The following NRG1 variants were observed in gnomAD, a reference collection of about 807,000 sequenced individuals.
The protein encoded by NRG1 is pro-neuregulin-1, membrane-bound isoform.
NRG1 carries 18 observed loss-of-function variants against 63.8 expected under a neutral mutation model. The observed-to-expected ratio is 0.28, with a 90% CI of 0.19 to 0.42. NRG1 has a LOEUF of 0.42. NRG1 is among the 10% of genes least tolerant of loss of function. NRG1 has a pLI of 1.00. For synonymous variants in NRG1, 302 were observed against 301.3 expected (o/e 1.00, Z -0.02); for missense variants, 762 against 814.7 (o/e 0.94, Z 0.79).
chr8:32,639,531 A>G (rs1352355730), intron 5 of NRG1, among the ~76,000 whole-genome samples: 2 of 152,206 alleles, frequency 1.3e-5, no homozygotes, highest in East Asian at 3.8e-4. Context: ...TATTTTATAC[A>G]TGGGCTTATG....
intron 1 of NRG1, among the ~76,000 whole-genome samples, chr8:32,100,676 T>C (rs2131355072): frequency 6.6e-6 from 1 of 152,290 alleles, no homozygotes; most frequent in African/African-American, 2.4e-5. Context: ...TCCTTTTTTA[T>C]TTTCTAATGA....
At chr8:32,202,247 TG>T (rs1415291420) in intron 1 of NRG1, among the ~76,000 whole-genome samples, 5 of 152,166 alleles carry the variant, frequency 3.3e-5, no homozygotes, top group African/African-American at 4.8e-5. Context: ...TACTTTAAAA[TG>T]TTTTTTTCTT....
chr8:31,886,733 G>T (rs1159635756), intron 1 of NRG1, among the ~76,000 whole-genome samples: 1 of 152,006 alleles, frequency 6.6e-6, no homozygotes, highest in African/African-American at 2.4e-5. Flanking sequence ...CTTGGAATAG[G>T]CATCATCAAT....
At chr8:32,678,289 T>C (rs1016355692) in intron 5 of NRG1, among the ~76,000 whole-genome samples, 8 of 152,124 alleles carry the variant, frequency 5.3e-5, no homozygotes, top group African/African-American at 1.9e-4. Flanking sequence ...AATAAGCTAC[T>C]TAAAAAGGAC....
At chr8:32,380,178 G>T (rs1810161422) in intron 1 of NRG1, among the ~76,000 whole-genome samples, 1 of 151,942 alleles carries the variant, frequency 6.6e-6, no homozygotes, top group South Asian at 2.1e-4. Flanking sequence ...AACAAAGTTG[G>T]CCATTCTCTC....
At chr8:32,173,277 G>C (rs1340579125) in intron 1 of NRG1, among the ~76,000 whole-genome samples, 1 of 152,076 alleles carries the variant, frequency 6.6e-6, no homozygotes, top group African/African-American at 2.4e-5. Flanking sequence ...ATCCTTTACA[G>C]ACAAGCAAAT....
chr8:32,515,099 T>C (rs1253560892), intron 1 of NRG1, among the ~76,000 whole-genome samples: 1 of 152,096 alleles, frequency 6.6e-6, no homozygotes, highest in Non-Finnish European at 1.5e-5. Context: ...TGTGTGTCTT[T>C]TTGGTAGAAT....
chr8:32,400,903 A>G (rs1813096499), intron 1 of NRG1, among the ~76,000 whole-genome samples: 1 of 152,236 alleles, frequency 6.6e-6, no homozygotes. Flanking sequence ...AATGCCCATC[A>G]ACAGTAGATT....
At chr8:31,767,747 G>A (rs1478565192) in intron 1 of NRG1, among the ~76,000 whole-genome samples, 26 of 151,596 alleles carry the variant, frequency 1.7e-4, no homozygotes, top group Admixed American at 1.7e-3. Flanking sequence ...GGCTAAGGCT[G>A]GAGAATTGAT....
At chr8:32,125,046 G>A (rs915888464) in intron 1 of NRG1, among the ~76,000 whole-genome samples, 5 of 151,850 alleles carry the variant, frequency 3.3e-5, no homozygotes, top group African/African-American at 1.2e-4. Context: ...GAAGGGGCTG[G>A]AGAAAACTAA....
intron 1 of NRG1, among the ~76,000 whole-genome samples, chr8:32,541,749 TAATA>T (rs1832595300): frequency 6.6e-6 from 1 of 152,160 alleles, no homozygotes; most frequent in Non-Finnish European, 1.5e-5. Context: ...CTTGGCTGTA[TAATA>T]AATATTCACA....
intron 1 of NRG1, among the ~76,000 whole-genome samples, chr8:32,247,697 A>G (rs1586365319): frequency 6.6e-6 from 1 of 152,130 alleles, no homozygotes; most frequent in Admixed American, 6.6e-5. Context: ...GTGAAAAAGT[A>G]AGCACAGGCA....
chr8:31,836,932 G>A (rs1393798308), intron 1 of NRG1, among the ~76,000 whole-genome samples: 2 of 152,008 alleles, frequency 1.3e-5, no homozygotes, highest in Non-Finnish European at 2.9e-5. Context: ...CATCAACCTA[G>A]TGTGTTACCA....
chr8:31,856,170 A>C (rs1025259888), intron 1 of NRG1, among the ~76,000 whole-genome samples: 1 of 152,078 alleles, frequency 6.6e-6, no homozygotes, highest in African/African-American at 2.4e-5. Context: ...GCCTTGCTAG[A>C]TTGGGGAAGT....
At chr8:32,686,621 A>G (rs899016556) in intron 5 of NRG1, among the ~76,000 whole-genome samples, 1 of 152,232 alleles carries the variant, frequency 6.6e-6, no homozygotes, top group Non-Finnish European at 1.5e-5. Context: ...AGAGATATCA[A>G]CAGTTAAAGG....
At chr8:31,766,602 A>G (rs973618521) in intron 1 of NRG1, among the ~76,000 whole-genome samples, 3 of 152,186 alleles carry the variant, frequency 2.0e-5, no homozygotes, top group African/African-American at 7.2e-5. Flanking sequence ...ATAGTGATAC[A>G]TCCCAGATTT....
chr8:32,280,739 ATTTAT>A (rs1852674937), intron 1 of NRG1, among the ~76,000 whole-genome samples: 1 of 20,154 alleles, frequency 5.0e-5, no homozygotes, highest in African/African-American at 1.5e-4. Flanking sequence ...ATCACATTTT[ATTTAT>A]TTTGTCCTTT....
At chr8:32,461,736 A>G (rs1822343726) in intron 1 of NRG1, among the ~76,000 whole-genome samples, 1 of 152,120 alleles carries the variant, frequency 6.6e-6, no homozygotes, top group South Asian at 2.1e-4. Context: ...TCCTAGAACT[A>G]TTTAGTTTTC....
At position 31,863,622 on chromosome 8, in the gene NRG1, G is replaced by C. The variant is rs150529073; in HGVS notation, c.37+224191G>C. On this transcript the variant is annotated intron_variant, in intron 1 of 10. Coordinates refer to the NRG1 transcript ENST00000519301. ...ATATTGGATTAACCACTTATATCCA[G>C]CTACCTGAAACTACTGGCACTACTC... 4.1e-3 allele frequency among the ~76,000 whole-genome samples: 621 copies of C among 152,278 alleles called. 4 individuals are homozygous for C. The Middle Eastern group carries it at 0.041, about 10-fold the overall frequency.
Sources: allele counts gnomAD v4.1 joint callset (sites outside exome capture counted in the v4.1 genomes callset), GRCh38; gene constraint gnomAD v4.1.1; transcripts MANE v1.5; gene names NCBI Gene and HGNC (gene_info 2026-07-23, HGNC 2026-07-21).